Variants in CACNA2D3 observed in about 807,000 individuals in gnomAD.
CACNA2D3 encodes calcium voltage-gated channel auxiliary subunit alpha2delta 3, also known as voltage-dependent calcium channel subunit alpha-2/delta-3.
CACNA2D3 carries 60 observed loss-of-function variants against 160.6 expected under a neutral mutation model. The ratio of observed to expected loss-of-function variants is 0.37; its 90% CI spans 0.30 to 0.46. The LOEUF (loss-of-function observed/expected upper bound fraction) is 0.46, where lower values mean the gene tolerates loss of function less well. CACNA2D3 is among the 20% of genes least tolerant of loss of function. The pLI, the probability that CACNA2D3 is intolerant of heterozygous loss-of-function variation, is 1.00. For missense variants in CACNA2D3, 1,205 were observed against 1,365.0 expected (o/e 0.88, Z 1.85); for synonymous variants, 558 against 492.9 (o/e 1.13, Z -1.75).
chr3:54,410,742 G>C (rs1470778692), intron 4 of CACNA2D3, among the ~76,000 whole-genome samples: 1 of 152,146 alleles, frequency 6.6e-6, no homozygotes, highest in East Asian at 1.9e-4. Flanking sequence ...GCCTGCTAAC[G>C]CAACATCCGT....
At chr3:54,955,935 A>T (rs1701878710) in intron 27 of CACNA2D3, among the ~76,000 whole-genome samples, 1 of 152,160 alleles carries the variant, frequency 6.6e-6, no homozygotes, top group African/African-American at 2.4e-5. Flanking sequence ...TGATGAAGAG[A>T]AAAAATTGGT....
In CACNA2D3 at chr3:54,459,294, G is replaced by T. The variant is rs867829477; in HGVS notation, c.382-44198G>T. On this transcript the variant is annotated intron_variant, in intron 4 of 37. Transcript: ENST00000474759. ...TCCTTTGGGTATATACCCAGTAATG[G>T]GATGGCTGGGTCAAATGGTATTTCT... Among the ~76,000 whole-genome samples the T allele has an allele frequency of 5.4e-5, 8 of 147,796 alleles. 1 individual carries two copies. Among genetic ancestry groups the T allele is most frequent in the African/African-American group, 1.3e-4 (5 of 39,750 alleles).
At chr3:54,436,901 G>A (rs918828549) in intron 4 of CACNA2D3, among the ~76,000 whole-genome samples, 1 of 152,030 alleles carries the variant, frequency 6.6e-6, no homozygotes, top group African/African-American at 2.4e-5. Flanking sequence ...CCTATGAAAG[G>A]TATACACATC....
chr3:54,383,555 C>T (rs1699141214), intron 3 of CACNA2D3, among the ~76,000 whole-genome samples: 1 of 152,114 alleles, frequency 6.6e-6, no homozygotes, highest in Non-Finnish European at 1.5e-5. Context: ...GAAAAAATAT[C>T]TTCATGGATG....
chr3:54,392,699 G>T (rs1699302218), intron 4 of CACNA2D3, among the ~76,000 whole-genome samples: 1 of 152,098 alleles, frequency 6.6e-6, no homozygotes, highest in Admixed American at 6.5e-5. Flanking sequence ...AAGACTGTTG[G>T]TGGGAAACCT....
At chr3:54,307,576 C>T (rs1281999609) in intron 2 of CACNA2D3, among the ~76,000 whole-genome samples, 1 of 152,132 alleles carries the variant, frequency 6.6e-6, no homozygotes, top group Non-Finnish European at 1.5e-5. Flanking sequence ...GCCTCTTCCC[C>T]AATGAAAAGC....
At chr3:54,773,379 GT>G (rs753391238) in intron 13 of CACNA2D3, among the ~76,000 whole-genome samples, 2 of 152,142 alleles carry the variant, frequency 1.3e-5, no homozygotes, top group Non-Finnish European at 2.9e-5. Context: ...TATCAAAGAA[GT>G]TCCAATCGTC....
At chr3:54,701,770 A>G (rs987693250) in intron 11 of CACNA2D3, among the ~76,000 whole-genome samples, 6 of 152,210 alleles carry the variant, frequency 3.9e-5, no homozygotes, top group African/African-American at 1.4e-4. Flanking sequence ...GGAACCAAAA[A>G]TGAGTCTGAA....
At chr3:54,565,949 C>G (rs1702403025) in intron 6 of CACNA2D3, among the ~76,000 whole-genome samples, 1 of 152,208 alleles carries the variant, frequency 6.6e-6, no homozygotes, top group Non-Finnish European at 1.5e-5. Flanking sequence ...TTGTCCATTA[C>G]TCTGTCACTA....
intron 11 of CACNA2D3, among the ~76,000 whole-genome samples, chr3:54,693,898 C>G (rs1032124433): frequency 3.3e-5 from 5 of 152,060 alleles, no homozygotes; most frequent in African/African-American, 1.2e-4. Flanking sequence ...AGTCATGTTA[C>G]TACAGAAGAA....
chr3:54,552,087 T>C (rs1702167739), intron 5 of CACNA2D3, among the ~76,000 whole-genome samples: 1 of 152,196 alleles, frequency 6.6e-6, no homozygotes, highest in South Asian at 2.1e-4. Context: ...TTATGCCTTG[T>C]AAATGTCCCC....
At chr3:54,981,837 C>T (rs1245289815) in intron 29 of CACNA2D3, among the ~76,000 whole-genome samples, 1 of 152,230 alleles carries the variant, frequency 6.6e-6, no homozygotes, top group African/African-American at 2.4e-5. Context: ...ATTGTTAATC[C>T]AACCTCTGAC....
At chr3:54,401,301 G>C (rs187300701) in intron 4 of CACNA2D3, among the ~76,000 whole-genome samples, 1 of 152,188 alleles carries the variant, frequency 6.6e-6, no homozygotes, top group African/African-American at 2.4e-5. Flanking sequence ...AAGGATAAGG[G>C]ACAGAGGTAG....
At chr3:54,854,037 T>C (rs2293415) in intron 17 of CACNA2D3, among the ~76,000 whole-genome samples, 21,077 of 152,128 alleles carry the variant, frequency 0.14, 2,332 homozygotes, top group East Asian at 0.33. Flanking sequence ...CCGGTCCCCA[T>C]GCAGAGCCAG....
At chr3:54,493,060 CTTTTTTTTTTTTTTTTTTTTTTTTTTT>C (rs34225864) in intron 4 of CACNA2D3, among the ~76,000 whole-genome samples, 2 of 58,796 alleles carry the variant, frequency 3.4e-5, no homozygotes, top group African/African-American at 1.5e-4. Context: ...TTGCTCAAAA[CTTTTTTTTTTTTTTTTTTTTTTTTTTT>C]TTTTTTTGGA....
intron 2 of CACNA2D3, among the ~76,000 whole-genome samples, chr3:54,155,646 A>G (rs1700232257): frequency 6.6e-6 from 1 of 152,190 alleles, no homozygotes; most frequent in Non-Finnish European, 1.5e-5. Flanking sequence ...AAACATTGAA[A>G]ACAAGTTATA....
At chr3:54,368,197 G>A (rs1325762955) in intron 3 of CACNA2D3, among the ~76,000 whole-genome samples, 2 of 152,082 alleles carry the variant, frequency 1.3e-5, no homozygotes, top group African/African-American at 4.8e-5. Context: ...AACATTCATC[G>A]TACCAAGTAC....
intron 28 of CACNA2D3, 61 bp downstream of exon 28, chr3:54,968,572 T>A: frequency 7.8e-7 from 1 of 1,274,612 alleles, no homozygotes; most frequent in Non-Finnish European, 1.1e-6. Context: ...GTGTTCCCAT[T>A]TGGGTACCTG....
At chr3:54,966,252 A>G (rs1045966483) in intron 27 of CACNA2D3, among the ~76,000 whole-genome samples, 1 of 151,658 alleles carries the variant, frequency 6.6e-6, no homozygotes, top group African/African-American at 2.4e-5. Context: ...CCCTGGAGTG[A>G]CTCTTTCAGG....
Sources: gnomAD v4.1 joint callset for allele counts (sites outside exome capture counted in the v4.1 genomes callset) on GRCh38, gnomAD v4.1.1 for gene constraint, MANE v1.5 for transcripts, NCBI Gene and HGNC (gene_info 2026-07-23, HGNC 2026-07-21) for gene names.